Variants in DLG2 observed in about 807,000 individuals in gnomAD.
DLG2 encodes the protein discs large MAGUK scaffold protein 2, also known as disks large homolog 2.
DLG2 carries 45 observed loss-of-function variants against 132.5 expected under a neutral mutation model. That is an observed-to-expected ratio of 0.34 (90% CI 0.27 to 0.44). The LOEUF (loss-of-function observed/expected upper bound fraction) is 0.44, where lower values mean the gene tolerates loss of function less well. Ranked by LOEUF, DLG2 falls within the 20% of genes least tolerant of loss-of-function variation. DLG2 has a pLI of 1.00. For synonymous variants in DLG2, 424 were observed against 419.6 expected, an observed-to-expected ratio of 1.01 and a Z score of -0.13; for missense variants, 1,045 against 1,196.9, an observed-to-expected ratio of 0.87 and a Z score of 1.87.
chr11:83,535,032 T>C (rs2095848024), intron 20 of DLG2, among the ~76,000 whole-genome samples: 2 of 151,882 alleles, frequency 1.3e-5, no homozygotes, highest in Admixed American at 6.6e-5. Context: ...CATACAACAG[T>C]TGGGGAGAAA....
chr11:85,201,888 C>T (rs912069947), intron 4 of DLG2, among the ~76,000 whole-genome samples: 6 of 149,726 alleles, frequency 4.0e-5, no homozygotes, highest in Admixed American at 2.7e-4. Context: ...AGAAATGTAA[C>T]AGATAAATCA....
chr11:85,376,567 A>T (rs1415335224), intron 3 of DLG2, among the ~76,000 whole-genome samples: 2 of 152,188 alleles, frequency 1.3e-5, no homozygotes, highest in African/African-American at 4.8e-5. Flanking sequence ...AAAACTTTTT[A>T]AAAAGACTAC....
Position 85,593,150 on chromosome 11 carries a change from G to A in DLG2, c.40+5507C>T, listed in dbSNP as rs114790321. Reference sequence around the variant, plus strand: ...ATGGATTACAAAGTACTCAAGATATGTCCCAGAATGATAATGGCTCATTAT... The same window carrying A: ...ATGGATTACAAAGTACTCAAGATATATCCCAGAATGATAATGGCTCATTAT... On this transcript the variant is annotated intron_variant, in intron 3 of 27. Transcript: ENST00000376104. Among the ~76,000 whole-genome samples, 1,163 of 152,200 alleles carry A rather than the reference G, an allele frequency of 7.6e-3. 14 individuals carry two copies. Among genetic ancestry groups the A allele is most frequent in the African/African-American group, 0.027 (1,131 of 41,538 alleles).
chr11:84,519,645 CAGGCCTCACAGACACAATAGATTGGG>C (rs1488369600), intron 7 of DLG2, among the ~76,000 whole-genome samples: 1 of 152,144 alleles, frequency 6.6e-6, no homozygotes, highest in African/African-American at 2.4e-5. Flanking sequence ...TGGAATTGGG[CAGGCCTCACAGACACAATAGATTGGG>C]AGGCCTCCTC....
Position 85,211,283 on chromosome 11 carries a change from G to A in DLG2, c.187-56632C>T, listed in dbSNP as rs1452358089. ...TCAGTAGATCAAGGGTCTAGTGGAA[G>A]AGATAAATATATAAACGAGTAATTA... On this transcript the variant is annotated intron_variant, in intron 4 of 27. Transcript: ENST00000376104. Among the ~76,000 whole-genome samples the A allele has an allele frequency of 3.3e-5, 5 of 152,266 alleles. No individual in the cohort carries two copies. In the South Asian group the frequency reaches 6.2e-4, roughly 19 times the overall value.
At chr11:83,641,033 ATTG>A (rs1262775461) in intron 18 of DLG2, among the ~76,000 whole-genome samples, 1 of 152,152 alleles carries the variant, frequency 6.6e-6, no homozygotes. Context: ...ACCCCCATAC[ATTG>A]TTGTTCTGAA....
rs2084935920 is a variant in DLG2, at chr11:85,371,027, T to C, written c.41-85662A>G. 2.0e-5 allele frequency among the ~76,000 whole-genome samples: 3 copies of C among 152,172 alleles called. No individual in the cohort carries two copies. In the South Asian group the frequency reaches 6.2e-4, roughly 32 times the overall value. On this transcript the variant is annotated intron_variant, in intron 3 of 27. Transcript: ENST00000376104. Reference sequence around the variant, plus strand: ...TCTCTGACATGAGTGTTTCTGCTTGTAGCTACCCTGGACATTTTGTTATTC... The same window carrying C: ...TCTCTGACATGAGTGTTTCTGCTTGCAGCTACCCTGGACATTTTGTTATTC...
chr11:85,001,798 T>C (rs2058235468), intron 6 of DLG2, among the ~76,000 whole-genome samples: 1 of 152,180 alleles, frequency 6.6e-6, no homozygotes, highest in South Asian at 2.1e-4. Flanking sequence ...GTTCATTAAC[T>C]ACAACAAATG....
At chr11:84,150,297 GT>G (rs1398017357) in intron 9 of DLG2, among the ~76,000 whole-genome samples, 9 of 152,066 alleles carry the variant, frequency 5.9e-5, no homozygotes, top group Admixed American at 1.3e-4. Flanking sequence ...GGATTCCTAG[GT>G]TTTTAAATCT....
intron 6 of DLG2, among the ~76,000 whole-genome samples, chr11:84,704,588 C>T (rs1325305509): frequency 6.6e-6 from 1 of 151,352 alleles, no homozygotes; most frequent in African/African-American, 2.4e-5. Context: ...TAAGAGATAG[C>T]CCTGGCCCTC....
At chr11:85,513,866 T>C (rs1184565734) in intron 3 of DLG2, among the ~76,000 whole-genome samples, 3 of 151,990 alleles carry the variant, frequency 2.0e-5, no homozygotes, top group Non-Finnish European at 4.4e-5. Flanking sequence ...ATCCCCCAAA[T>C]CTGATTAGTT....
At chr11:85,308,202 A>AAATAAAATAAAATAAAAT (rs1555044717) in intron 3 of DLG2, among the ~76,000 whole-genome samples, 4 of 150,678 alleles carry the variant, frequency 2.7e-5, no homozygotes, top group African/African-American at 2.4e-5. Flanking sequence ...AAATAAAACA[A>AAATAAAATAAAATAAAAT]GAAAGAAAAG....
intron 6 of DLG2, among the ~76,000 whole-genome samples, chr11:84,753,831 G>T (rs1476118246): frequency 6.6e-6 from 1 of 152,210 alleles, no homozygotes; most frequent in Non-Finnish European, 1.5e-5. Context: ...GAGAAAGAGT[G>T]GCCAGCAATA....
intron 8 of DLG2, among the ~76,000 whole-genome samples, chr11:84,232,115 T>A (rs2097101815): frequency 6.6e-6 from 1 of 152,184 alleles, no homozygotes; most frequent in African/African-American, 2.4e-5. Context: ...CACAAGGATC[T>A]GTGCGCAGTA....
At chr11:84,607,999 G>A (rs1487424604) in intron 6 of DLG2, among the ~76,000 whole-genome samples, 3 of 152,140 alleles carry the variant, frequency 2.0e-5, no homozygotes, top group Non-Finnish European at 2.9e-5. Context: ...AGAAGGTCTT[G>A]TGTCAGATAA....
chr11:83,766,996 AC>A (rs1389539773), intron 18 of DLG2, among the ~76,000 whole-genome samples: 1 of 152,148 alleles, frequency 6.6e-6, no homozygotes, highest in African/African-American at 2.4e-5. Flanking sequence ...TTCTGTCATA[AC>A]ATCTTCTTCT....
chr11:83,674,298 C>A (rs1033790636), intron 18 of DLG2, among the ~76,000 whole-genome samples: 1 of 152,180 alleles, frequency 6.6e-6, no homozygotes, highest in Admixed American at 6.5e-5. Flanking sequence ...GAAGCAGAAG[C>A]ACTGCCTGCA....
intron 6 of DLG2, among the ~76,000 whole-genome samples, chr11:84,650,410 G>A (rs972912916): frequency 1.3e-5 from 2 of 152,144 alleles, no homozygotes; most frequent in African/African-American, 4.8e-5. Context: ...TTACTGACTT[G>A]AGACTATTAT....
At chr11:83,480,490 C>T in intron 22 of DLG2, 1 of 1,493,076 alleles carries the variant, frequency 6.7e-7, no homozygotes. Context: ...TACACTCATG[C>T]AAGGCTACCA....
Sources: allele counts gnomAD v4.1 joint callset (sites outside exome capture counted in the v4.1 genomes callset), GRCh38; gene constraint gnomAD v4.1.1; transcripts MANE v1.5; gene names NCBI Gene and HGNC (gene_info 2026-07-23, HGNC 2026-07-21).